The following PCNX2 variants were observed in gnomAD, a reference collection of about 807,000 sequenced individuals.
PCNX2 encodes the protein pecanex-like protein 2.
Under a neutral mutation model 223.8 loss-of-function variants are expected in PCNX2, and 168 were observed. The observed-to-expected ratio is 0.75, with a 90% CI of 0.66 to 0.85. The LOEUF (loss-of-function observed/expected upper bound fraction) is 0.85, where lower values mean the gene tolerates loss of function less well. PCNX2 is among the 40% of genes least tolerant of loss of function. PCNX2 has a pLI of 0.00. For missense variants in PCNX2, 2,507 were observed against 2,675.5 expected, an observed-to-expected ratio of 0.94 and a Z score of 1.39; for synonymous variants, 1,006 against 1,052.6, an observed-to-expected ratio of 0.96 and a Z score of 0.86.
chr1:233,031,903 C>T, intron 25 of PCNX2: 2 of 984,670 alleles, frequency 2.0e-6, no homozygotes, highest in Non-Finnish European at 2.4e-6. Flanking sequence ...AACAGTGAGG[C>T]ATCCAGAGAG....
intron 15 of PCNX2, among the ~76,000 whole-genome samples, chr1:233,196,077 C>T (rs896218947): frequency 6.6e-6 from 1 of 152,042 alleles, no homozygotes; most frequent in Non-Finnish European, 1.5e-5. Flanking sequence ...GAAAGGCATG[C>T]AGAACAATGA....
At chr1:233,130,316 A>T (rs1235068798) in intron 21 of PCNX2, among the ~76,000 whole-genome samples, 3 of 149,874 alleles carry the variant, frequency 2.0e-5, no homozygotes, top group African/African-American at 7.4e-5. Flanking sequence ...CAACCCCCCC[A>T]CCCACAAACA....
intron 25 of PCNX2, among the ~76,000 whole-genome samples, chr1:233,028,230 G>A (rs1436332566): frequency 6.6e-6 from 1 of 152,196 alleles, no homozygotes; most frequent in Non-Finnish European, 1.5e-5. Context: ...GAAGTGTTCT[G>A]TAAATGTCAA....
At chr1:232,988,728 C>T (rs1280195442) in intron 32 of PCNX2, among the ~76,000 whole-genome samples, 2 of 152,160 alleles carry the variant, frequency 1.3e-5, no homozygotes, top group African/African-American at 2.4e-5. Context: ...ATCTGGGATT[C>T]GGATTAGTTA....
At position 233,261,399 on chromosome 1, in the gene PCNX2, A is replaced by G. The variant is rs1572168977; in HGVS notation, c.481-78T>C. The G allele has an allele frequency of 5.3e-6, 7 of 1,326,522 alleles. No homozygotes were observed. The East Asian group carries it at 1.2e-4, about 22-fold the overall frequency. The allele number at this position is 1,326,522 out of a possible 1,614,324, so 82.2% of individuals were successfully genotyped here. On this transcript the variant is annotated intron_variant, in intron 3 of 33. Coordinates refer to ENST00000258229, the MANE Select transcript of PCNX2 (RefSeq NM_014801.4). ...TTCCAGACAGTCGGCAATAACTGACAGCAGTCACTGATTTTCTAAATGGCA... is the reference window on the plus strand; with the variant it reads ...TTCCAGACAGTCGGCAATAACTGACGGCAGTCACTGATTTTCTAAATGGCA...
At position 233,035,979 on chromosome 1, in the gene PCNX2, A is replaced by C. The variant is rs527656643; in HGVS notation, c.4352-10580T>G. Among the ~76,000 whole-genome samples, 363 of 152,290 alleles carry C rather than the reference A, an allele frequency of 2.4e-3. 1 individual carries two copies. The highest frequency in any genetic ancestry group is 7.8e-3 in the African/African-American group (325 of 41,566). Reference sequence around the variant, plus strand: ...ATTTTTCTTAAAGCTAGAATTCTAAATTTGTATTGCCTCTTGCCAACTGGT... The same window carrying C: ...ATTTTTCTTAAAGCTAGAATTCTAACTTTGTATTGCCTCTTGCCAACTGGT... On this transcript the variant is annotated intron_variant, in intron 25 of 33. Coordinates refer to ENST00000258229, the MANE Select transcript of PCNX2 (RefSeq NM_014801.4).
intron 23 of PCNX2, among the ~76,000 whole-genome samples, chr1:233,064,389 G>C (rs1378400266): frequency 6.6e-6 from 1 of 152,144 alleles, no homozygotes; most frequent in East Asian, 1.9e-4. Flanking sequence ...TCACAATGGA[G>C]ACTTGTCCCC....
Position 233,000,430 on chromosome 1 carries a change from A to C in PCNX2, c.5203T>G (p.Trp1735Gly). ...TTGTTGGACAGCACTGCGCCCCGCC[A>C]GGCCGGGTCGCCCTCGTGGCAGATG... is the stretch of plus-strand genomic sequence containing the variant. ...VVICHEGDPAWRGAVLSNKEE... is the reference protein window; with the variant it reads ...VVICHEGDPAGRGAVLSNKEE... Residue 1735 changes from tryptophan to glycine, a missense_variant, in exon 30 of 34, where the codon TGG becomes GGG. Around this residue, in one of 3 missense-constraint regions of PCNX2, gnomAD observed 1,372 missense variants for 1,509.4 expected, o/e 0.91. Coordinates refer to ENST00000258229, the MANE Select transcript of PCNX2 (RefSeq NM_014801.4). The surrounding 1 kb of genome is among the most constrained non-coding windows in gnomAD (Gnocchi z 4.6). 6.2e-7 allele frequency: 1 copy of C among 1,602,360 alleles called. No homozygotes were observed. The highest frequency in any genetic ancestry group is 8.5e-7 in the Non-Finnish European group (1 of 1,172,930).
chr1:233,062,929 A>T (rs1360377242), intron 23 of PCNX2, among the ~76,000 whole-genome samples: 1 of 152,206 alleles, frequency 6.6e-6, no homozygotes, highest in Non-Finnish European at 1.5e-5. Context: ...ACTAAAAGTA[A>T]CTCCAGAATA....
At chr1:233,026,951 G>A (rs539913152) in intron 25 of PCNX2, among the ~76,000 whole-genome samples, 14 of 152,328 alleles carry the variant, frequency 9.2e-5, no homozygotes, top group African/African-American at 1.4e-4. Flanking sequence ...TTATTAGCAC[G>A]TAGGGGCTAT....
chr1:233,127,838 T>G (rs746049416), intron 21 of PCNX2, among the ~76,000 whole-genome samples: 2 of 152,250 alleles, frequency 1.3e-5, no homozygotes, highest in Middle Eastern at 3.2e-3. Context: ...GTATTACTAA[T>G]AACCTTTGGA....
intron 23 of PCNX2, among the ~76,000 whole-genome samples, chr1:233,058,940 G>A (rs1282938528): frequency 1.3e-5 from 2 of 152,124 alleles, no homozygotes; most frequent in Non-Finnish European, 1.5e-5. Flanking sequence ...TGGGATTACA[G>A]GTGTGAGTCA....
intron 10 of PCNX2, among the ~76,000 whole-genome samples, chr1:233,220,357 C>T (rs1314971948): frequency 6.6e-6 from 1 of 152,196 alleles, no homozygotes; most frequent in Non-Finnish European, 1.5e-5. Flanking sequence ...TAAGAAACTG[C>T]TGAATTGTCT....
chr1:233,107,186 T>TACACAC lies in PCNX2; in HGVS notation c.3838-11329_3838-11324dup, dbSNP rs112899127. 6.4e-3 allele frequency among the ~76,000 whole-genome samples: 725 copies of TACACAC among 112,698 alleles called. 2 individuals carry two copies. The highest frequency in any genetic ancestry group is 0.022 in the African/African-American group (652 of 29,600). The allele number at this position is 112,698 out of a possible 152,430, so 73.9% of individuals were successfully genotyped here. A position where few individuals can be genotyped will look rare whatever the true frequency, so the allele number is the denominator to read the frequency against. The stretch of plus-strand genomic sequence containing the variant: ...ATTTTCTGCACTTGAACATGTATTA[T>TACACAC]ACACACACACACACACACACACACA... On this transcript the variant is annotated intron_variant, in intron 21 of 33. Transcript: ENST00000258229.
chr1:233,054,528 C>T, intron 24 of PCNX2, 45 bp from the exon 25 acceptor site: 1 of 1,476,864 alleles, frequency 6.8e-7, no homozygotes, highest in Non-Finnish European at 9.4e-7. Flanking sequence ...CTACTCCTTG[C>T]TGTGTATCCA....
intron 26 of PCNX2, among the ~76,000 whole-genome samples, chr1:233,022,730 C>G (rs919722857): frequency 6.9e-6 from 1 of 144,010 alleles, no homozygotes; most frequent in Non-Finnish European, 1.5e-5. Context: ...CAGAGTCTCG[C>G]TCTGTTGCCC....
Position 233,262,952 on chromosome 1 carries a change from T to C in PCNX2, c.359+6A>G. On this transcript the variant is annotated splice_donor_region_variant and intron_variant, in intron 2 of 33. Coordinates refer to ENST00000258229, the MANE Select transcript of PCNX2 (RefSeq NM_014801.4). ...TTTGAAGTGTCACATTAATTGAAAA[T>C]ATTACCTTGGATTTCTGTGATTAGT... 6.2e-7 allele frequency: 1 copy of C among 1,611,254 alleles called. No individual in the cohort carries two copies. Among genetic ancestry groups the C allele is most frequent in the Non-Finnish European group, 8.5e-7 (1 of 1,178,302 alleles).
chr1:233,078,583 C>T (rs566994340), intron 23 of PCNX2, among the ~76,000 whole-genome samples: 1 of 152,188 alleles, frequency 6.6e-6, no homozygotes, highest in Non-Finnish European at 1.5e-5. Context: ...ACACTCCCTG[C>T]GACCATCCAT....
intron 8 of PCNX2, among the ~76,000 whole-genome samples, chr1:233,244,320 C>T (rs1339501715): frequency 6.6e-6 from 1 of 152,142 alleles, no homozygotes; most frequent in Non-Finnish European, 1.5e-5. Flanking sequence ...GATACTAAAC[C>T]TCTGATTTCA....
Sources: allele counts gnomAD v4.1 joint callset (sites outside exome capture counted in the v4.1 genomes callset), GRCh38; gene constraint gnomAD v4.1.1; regional missense constraint gnomAD v4.1.1; non-coding constraint Gnocchi (gnomAD v3.1); transcripts MANE v1.5; gene names NCBI Gene and HGNC (gene_info 2026-07-23, HGNC 2026-07-21).